Variants in ADGRB3 observed in about 807,000 individuals in gnomAD.
ADGRB3 encodes brain-specific angiogenesis inhibitor 3.
ADGRB3 carries 37 observed loss-of-function variants against 193.4 expected under a neutral mutation model. That is an observed-to-expected ratio of 0.19 (90% confidence interval 0.15 to 0.25). ADGRB3 has a LOEUF of 0.25. Among genes scored for constraint, ADGRB3 ranks in the 10% least tolerant of loss-of-function variants. The pLI, the probability that ADGRB3 is intolerant of heterozygous loss-of-function variation, is 1.00. For missense variants in ADGRB3, 1,637 were observed against 1,852.9 expected (o/e 0.88, Z 2.14); for synonymous variants, 690 against 644.2 (o/e 1.07, Z -1.08).
chr6:69,156,822 C>T (rs1774852452), intron 17 of ADGRB3, among the ~76,000 whole-genome samples: 3 of 152,144 alleles, frequency 2.0e-5, no homozygotes, highest in Non-Finnish European at 4.4e-5. Context: ...ATGAAAATGA[C>T]CTTAGAAGTC....
At chr6:68,830,955 T>TA (rs35545206) in intron 3 of ADGRB3, among the ~76,000 whole-genome samples, 67,074 of 145,462 alleles carry the variant, frequency 0.46, 15,694 homozygotes, top group East Asian at 0.58. Context: ...CAGAACAACT[T>TA]AAAAAAAAAA....
At chr6:68,851,360 C>T (rs1322963593) in intron 3 of ADGRB3, among the ~76,000 whole-genome samples, 2 of 151,790 alleles carry the variant, frequency 1.3e-5, no homozygotes, top group Non-Finnish European at 2.9e-5. Context: ...TTTCTTTTTA[C>T]ATGACAATTT....
Position 69,354,410 on chromosome 6 carries a change from G to A in ADGRB3, c.3555+82G>A, listed in dbSNP as rs949807262. The A allele has an allele frequency of 2.5e-6, 3 of 1,212,156 alleles. No homozygotes were observed. In the African/African-American group the frequency reaches 4.6e-5, roughly 18 times the overall value. 75.1% of individuals were successfully genotyped at this position (1,212,156 alleles called of 1,614,324 possible). A position where few individuals can be genotyped will look rare whatever the true frequency, so the allele number is the denominator to read the frequency against. ...AAGAAATCCTTATGAGTAAAATAGT[G>A]TAAAATTTTCATTTTGATTGACTTT... On this transcript the variant is annotated intron_variant, in intron 27 of 31. Coordinates refer to ENST00000370598, the MANE Select transcript of ADGRB3 (RefSeq NM_001704.3).
intron 20 of ADGRB3, among the ~76,000 whole-genome samples, chr6:69,299,503 C>A (rs557680149): frequency 5.3e-5 from 8 of 151,752 alleles, no homozygotes; most frequent in East Asian, 1.9e-4. Flanking sequence ...TCCAGTAGTT[C>A]TATAGTTTCG....
chr6:69,330,483 T>C, intron 22 of ADGRB3, 23 bp from the exon 23 acceptor site: 4 of 1,591,970 alleles, frequency 2.5e-6, no homozygotes, highest in Non-Finnish European at 1.7e-6. Context: ...TTTTTGTTAG[T>C]TCTTATCTAA....
At chr6:68,786,916 A>G (rs1766985003) in intron 3 of ADGRB3, among the ~76,000 whole-genome samples, 2 of 151,872 alleles carry the variant, frequency 1.3e-5, no homozygotes, top group South Asian at 4.2e-4. Flanking sequence ...CTTTGAGGCA[A>G]TTGTGAATGG....
chr6:69,116,634 G>C (rs1333074073), intron 17 of ADGRB3, among the ~76,000 whole-genome samples: 1 of 152,196 alleles, frequency 6.6e-6, no homozygotes, highest in Non-Finnish European at 1.5e-5. Flanking sequence ...TCTTGCTCCA[G>C]GTAGTATTAA....
chr6:69,139,373 A>G (rs1207362537), intron 17 of ADGRB3, among the ~76,000 whole-genome samples: 1 of 152,174 alleles, frequency 6.6e-6, no homozygotes, highest in African/African-American at 2.4e-5. Context: ...ACAAAAAGTA[A>G]CTGCTGATAC....
chr6:68,739,072 T>C (rs1266693213), intron 3 of ADGRB3, among the ~76,000 whole-genome samples: 1 of 152,186 alleles, frequency 6.6e-6, no homozygotes, highest in African/African-American at 2.4e-5. Context: ...CTGCTATTGG[T>C]CAACTAAAAT....
intron 3 of ADGRB3, among the ~76,000 whole-genome samples, chr6:68,794,742 T>C (rs1000056032): frequency 3.9e-5 from 6 of 152,116 alleles, no homozygotes; most frequent in Non-Finnish European, 7.4e-5. Flanking sequence ...TTGAAATTAA[T>C]CTTTTCTGAG....
chr6:69,164,964 A>G (rs1324610782), intron 17 of ADGRB3, among the ~76,000 whole-genome samples: 8 of 151,956 alleles, frequency 5.3e-5, no homozygotes, highest in Admixed American at 5.3e-4. Context: ...GAGAGTAGAC[A>G]TTATCCTCTT....
intron 3 of ADGRB3, among the ~76,000 whole-genome samples, chr6:68,657,417 A>G (rs1332869910): frequency 6.6e-6 from 1 of 151,450 alleles, no homozygotes; most frequent in Non-Finnish European, 1.5e-5. Flanking sequence ...ACATCAGTAA[A>G]AATTTTTAAA....
At chr6:69,216,292 C>T (rs1765770937) in intron 17 of ADGRB3, among the ~76,000 whole-genome samples, 1 of 152,098 alleles carries the variant, frequency 6.6e-6, no homozygotes, top group Non-Finnish European at 1.5e-5. Context: ...GGGCCACTTG[C>T]ATTTGAATAC....
chr6:69,338,849 G>A (rs1768909288), intron 24 of ADGRB3, 67 bp from the exon 25 acceptor site: 6 of 1,402,302 alleles, frequency 4.3e-6, no homozygotes, highest in Non-Finnish European at 6.0e-6. Flanking sequence ...CTAACTTGAA[G>A]CAGCAATTTT....
intron 20 of ADGRB3, among the ~76,000 whole-genome samples, chr6:69,315,236 CTTT>C (rs1442009358): frequency 6.6e-6 from 1 of 151,408 alleles, no homozygotes; most frequent in East Asian, 1.9e-4. Flanking sequence ...ACATGTGCTT[CTTT>C]ATTTGCTGAG....
chr6:68,865,411 C>T (rs565093605), intron 3 of ADGRB3, among the ~76,000 whole-genome samples: 1 of 152,252 alleles, frequency 6.6e-6, no homozygotes, highest in East Asian at 1.9e-4. Context: ...CCTCACCTCT[C>T]TCTTCAGGGT....
chr6:68,671,864 G>C (rs1405172451), intron 3 of ADGRB3, among the ~76,000 whole-genome samples: 1 of 151,904 alleles, frequency 6.6e-6, no homozygotes, highest in Non-Finnish European at 1.5e-5. Context: ...TTAAGTATTT[G>C]GTAGAATTCA....
At chr6:68,680,266 G>T (rs911889735) in intron 3 of ADGRB3, among the ~76,000 whole-genome samples, 43 of 150,234 alleles carry the variant, frequency 2.9e-4, no homozygotes, top group African/African-American at 9.6e-4. Context: ...GAGGAAAGAA[G>T]AATGCAACTA....
intron 11 of ADGRB3, among the ~76,000 whole-genome samples, chr6:69,005,633 T>C (rs755488145): frequency 6.6e-6 from 1 of 152,136 alleles, no homozygotes; most frequent in African/African-American, 2.4e-5. Context: ...TTAGGATATA[T>C]TAGTTTCAAT....
Sources: gnomAD v4.1 joint callset for allele counts (sites outside exome capture counted in the v4.1 genomes callset) on GRCh38, gnomAD v4.1.1 for gene constraint, MANE v1.5 for transcripts, NCBI Gene and HGNC (gene_info 2026-07-23, HGNC 2026-07-21) for gene names.